The following MATN2 variants were observed in gnomAD, a reference collection of about 807,000 sequenced individuals.
The protein encoded by MATN2 is matrilin 2.
Under a neutral mutation model 103.2 loss-of-function variants are expected in MATN2, and 69 were observed. The ratio of observed to expected loss-of-function variants is 0.67; its 90% confidence interval spans 0.55 to 0.82. MATN2 has a LOEUF of 0.82. Among genes scored for constraint, MATN2 ranks in the 40% least tolerant of loss-of-function variants. The pLI, the probability that MATN2 is intolerant of heterozygous loss-of-function variation, is 0.00. For synonymous variants in MATN2, 429 were observed against 450.2 expected, an observed-to-expected ratio of 0.95 and a Z score of 0.60; for missense variants, 1,023 against 1,211.5, an observed-to-expected ratio of 0.84 and a Z score of 2.31.
chr8:97,883,645 TGG>T, intron 1 of MATN2, among the ~76,000 whole-genome samples: 1 of 151,470 alleles, frequency 6.6e-6, no homozygotes, highest in Admixed American at 6.6e-5. Context: ...CTCTGCCTCC[TGG>T]GTTTACACCA....
chr8:97,995,608 G>A (rs777088080), intron 7 of MATN2, among the ~76,000 whole-genome samples: 7 of 152,296 alleles, frequency 4.6e-5, no homozygotes, highest in Middle Eastern at 3.4e-3. Context: ...GGTGTGTACA[G>A]CAGTGTTCTG....
intron 4 of MATN2, among the ~76,000 whole-genome samples, chr8:97,950,506 C>T (rs903126519): frequency 5.9e-5 from 9 of 152,116 alleles, no homozygotes; most frequent in Admixed American, 5.9e-4. Flanking sequence ...GGATTCCCCT[C>T]TATGGGCCTG....
intron 13 of MATN2, chr8:98,025,601 C>G (rs1377254925): frequency 3.6e-6 from 1 of 275,554 alleles, no homozygotes; most frequent in Non-Finnish European, 7.2e-6. Flanking sequence ...CAAAAATTAG[C>G]CAGGCATGGT....
At position 97,969,485 on chromosome 8, in the gene MATN2, G is replaced by A. The variant is rs7813590; in HGVS notation, c.958+7955G>A. Among the ~76,000 whole-genome samples the A allele has an allele frequency of 7.1e-3, 1,087 of 152,216 alleles. 13 individuals are homozygous for A. The highest frequency in any genetic ancestry group is 0.024 in the African/African-American group (1,000 of 41,520). On this transcript the variant is annotated intron_variant, in intron 5 of 18. Transcript: ENST00000254898. ...TATTATTACAACACCTACTATTATC[G>A]TAATTTCCTGTATATAGTGAAGTAT...
intron 2 of MATN2, 122 bp downstream of exon 2, chr8:97,888,364 G>A: frequency 8.4e-7 from 1 of 1,189,028 alleles, no homozygotes; most frequent in Non-Finnish European, 1.1e-6. Flanking sequence ...TGGATGTGCT[G>A]GGCCTGGGGT....
intron 6 of MATN2, among the ~76,000 whole-genome samples, chr8:97,985,370 C>T (rs1042214451): frequency 2.6e-5 from 4 of 152,116 alleles, no homozygotes; most frequent in Non-Finnish European, 4.4e-5. Flanking sequence ...CATTAAGCCC[C>T]GCCTCCAACA....
chr8:98,008,098 G>A (rs1225344633), intron 10 of MATN2, among the ~76,000 whole-genome samples: 1 of 152,140 alleles, frequency 6.6e-6, no homozygotes, highest in African/African-American at 2.4e-5. Context: ...AGTCAGTCCT[G>A]GGAGAAGAGG....
At chr8:97,894,904 G>T (rs554248405) in intron 2 of MATN2, among the ~76,000 whole-genome samples, 2 of 150,006 alleles carry the variant, frequency 1.3e-5, no homozygotes, top group South Asian at 4.3e-4. Context: ...ACAGAGTCTT[G>T]CTCTGTCACC....
At chr8:98,032,828 G>A (rs763088189) in intron 16 of MATN2, among the ~76,000 whole-genome samples, 5 of 152,104 alleles carry the variant, frequency 3.3e-5, no homozygotes, top group South Asian at 2.1e-4. Context: ...CACTGTGCCC[G>A]GCTGTTTTTG....
chr8:97,963,613 G>A (rs1036557486), intron 5 of MATN2, among the ~76,000 whole-genome samples: 7 of 152,164 alleles, frequency 4.6e-5, no homozygotes, highest in South Asian at 2.1e-4. Context: ...GAGCTTTGGC[G>A]TGCTGTTTAT....
intron 1 of MATN2, among the ~76,000 whole-genome samples, chr8:97,869,501 G>A (rs1316908150): frequency 6.6e-6 from 1 of 152,102 alleles, no homozygotes. Context: ...CGACCCCTCG[G>A]CCGGGAGAGC....
chr8:97,938,981 C>T (rs1267208655), intron 3 of MATN2, among the ~76,000 whole-genome samples: 1 of 152,100 alleles, frequency 6.6e-6, no homozygotes, highest in African/African-American at 2.4e-5. Flanking sequence ...GCAATTCTCC[C>T]GCCTCAGCCT....
intron 10 of MATN2, among the ~76,000 whole-genome samples, chr8:98,015,336 C>T (rs1035693863): frequency 2.0e-5 from 3 of 152,182 alleles, no homozygotes; most frequent in Admixed American, 6.5e-5. Flanking sequence ...CATGCCACTC[C>T]ACTGCTCAAA....
intron 11 of MATN2, 70 bp downstream of exon 11, chr8:98,016,732 T>C: frequency 1.3e-6 from 2 of 1,551,364 alleles, no homozygotes; most frequent in Non-Finnish European, 1.8e-6. Flanking sequence ...TCCTTATCTC[T>C]GTATATATCA....
intron 1 of MATN2, among the ~76,000 whole-genome samples, chr8:97,873,563 C>T (rs1817968509): frequency 6.6e-6 from 1 of 151,816 alleles, no homozygotes; most frequent in Non-Finnish European, 1.5e-5. Context: ...AACTCTTGAC[C>T]TCATGATCCA....
chr8:97,930,853 C>T (rs1810157867), intron 2 of MATN2, 100 bp from the exon 3 acceptor site: 1 of 727,534 alleles, frequency 1.4e-6, no homozygotes, highest in Non-Finnish European at 2.2e-6. Flanking sequence ...AATTCCTGAC[C>T]TCAGGTGATC....
chr8:98,015,460 G>T (rs1241699132), intron 10 of MATN2, among the ~76,000 whole-genome samples: 1 of 149,618 alleles, frequency 6.7e-6, no homozygotes, highest in African/African-American at 2.5e-5. Context: ...GGATGCTCCA[G>T]TCACAGTGGT....
intron 2 of MATN2, among the ~76,000 whole-genome samples, chr8:97,923,923 T>G (rs2513837): frequency 1.3e-5 from 2 of 151,988 alleles, no homozygotes; most frequent in East Asian, 3.8e-4. Context: ...CTGCCATAAT[T>G]TCAGTTTAAA....
chr8:98,001,187 G>A (rs1450006924), intron 7 of MATN2, among the ~76,000 whole-genome samples: 1 of 152,202 alleles, frequency 6.6e-6, no homozygotes, highest in African/African-American at 2.4e-5. Context: ...CCAATTAATG[G>A]TGTTTTAAGT....
Sources: gnomAD v4.1 joint callset for allele counts (sites outside exome capture counted in the v4.1 genomes callset) on GRCh38, gnomAD v4.1.1 for gene constraint, MANE v1.5 for transcripts, NCBI Gene and HGNC (gene_info 2026-07-23, HGNC 2026-07-21) for gene names.